PARVA: variants seen among roughly 807,000 people sequenced by gnomAD.
The protein encoded by PARVA is alpha-parvin.
PARVA carries 25 observed loss-of-function variants against 52.6 expected under a neutral mutation model. The observed-to-expected ratio is 0.48, with a 90% CI of 0.35 to 0.66. The LOEUF is 0.66. Among genes scored for constraint, PARVA ranks in the 30% least tolerant of loss-of-function variants. PARVA has a pLI of 0.01. For missense variants in PARVA, 373 were observed against 450.9 expected (o/e 0.83, Z 1.56); for synonymous variants, 185 against 179.1 (o/e 1.03, Z -0.26).
At chr11:12,490,667 T>G (rs570358693) in intron 4 of PARVA, among the ~76,000 whole-genome samples, 1 of 151,944 alleles carries the variant, frequency 6.6e-6, no homozygotes, top group African/African-American at 2.4e-5. Flanking sequence ...TAAAATGCAA[T>G]AGTGAACAAA....
At chr11:12,502,837 TCTTTACAACC>T (rs1941380655) in intron 5 of PARVA, among the ~76,000 whole-genome samples, 1 of 152,046 alleles carries the variant, frequency 6.6e-6, no homozygotes, top group Non-Finnish European at 1.5e-5. Flanking sequence ...TTTTGGGGAA[TCTTTACAACC>T]TGTACATCCA....
intron 1 of PARVA, among the ~76,000 whole-genome samples, chr11:12,445,154 C>T (rs543806516): frequency 2.6e-5 from 4 of 152,150 alleles, no homozygotes; most frequent in East Asian, 3.9e-4. Context: ...GAAGGGTCCC[C>T]GCTGGACACC....
At chr11:12,489,862 A>G (rs1941209680) in intron 4 of PARVA, among the ~76,000 whole-genome samples, 1 of 152,222 alleles carries the variant, frequency 6.6e-6, no homozygotes, top group Non-Finnish European at 1.5e-5. Context: ...GCTGACAAAA[A>G]TGATCAACTT....
intron 1 of PARVA, among the ~76,000 whole-genome samples, chr11:12,401,124 G>A (rs780348196): frequency 6.6e-6 from 1 of 152,146 alleles, no homozygotes; most frequent in South Asian, 2.1e-4. Context: ...CATCACGGTC[G>A]ATTCCCACCT....
intron 1 of PARVA, among the ~76,000 whole-genome samples, chr11:12,396,320 CTG>C (rs1264850114): frequency 6.6e-6 from 1 of 152,184 alleles, no homozygotes; most frequent in Non-Finnish European, 1.5e-5. Flanking sequence ...ACAATAGAAA[CTG>C]TTTAATAATT....
At chr11:12,393,072 GA>G (rs987425540) in intron 1 of PARVA, among the ~76,000 whole-genome samples, 1 of 120,480 alleles carries the variant, frequency 8.3e-6, no homozygotes, top group Non-Finnish European at 1.8e-5. Context: ...AAAAAAGAAA[GA>G]AAAAAAATAC....
intron 1 of PARVA, among the ~76,000 whole-genome samples, chr11:12,408,105 C>G (rs1939940395): frequency 6.6e-6 from 1 of 152,202 alleles, no homozygotes; most frequent in African/African-American, 2.4e-5. Context: ...AAGGTCTGCA[C>G]CTTTGCTTGG....
chr11:12,377,512 GCGTGAGCTGCCTCAA>G (rs1333693988), upstream of PARVA: 2 of 1,420,636 alleles, frequency 1.4e-6, no homozygotes, highest in Non-Finnish European at 1.9e-6. Context: ...GGAAAGGCGA[GCGTGAGCTGCCTCAA>G]ATGCTTGGAA....
intron 3 of PARVA, among the ~76,000 whole-genome samples, chr11:12,475,124 A>C (rs774015187): frequency 1.3e-5 from 2 of 152,156 alleles, no homozygotes; most frequent in Admixed American, 6.5e-5. Context: ...CTTCAACCTG[A>C]GATCAGCCAC....
intron 3 of PARVA, chr11:12,476,970 AG>A (rs1314057683): frequency 7.2e-5 from 11 of 152,246 alleles, no homozygotes; most frequent in African/African-American, 2.7e-4. Context: ...GCCTGTGGTC[AG>A]GGATGAGGAT....
intron 1 of PARVA, among the ~76,000 whole-genome samples, chr11:12,430,275 G>A (rs1023104383): frequency 4.6e-5 from 7 of 152,190 alleles, no homozygotes. Flanking sequence ...GATGAGTTGT[G>A]AGTATTACCT....
chr11:12,496,371 A>ATGCATGAGTGCATGC, intron 4 of PARVA, 87 bp from the exon 5 acceptor site: 5 of 998,122 alleles, frequency 5.0e-6, no homozygotes, highest in African/African-American at 1.9e-5. Flanking sequence ...TGAGTGCATG[A>ATGCATGAGTGCATGC]GAGACCGAAT....
chr11:12,499,812 A>G (rs1314079947), intron 5 of PARVA, among the ~76,000 whole-genome samples: 2 of 152,146 alleles, frequency 1.3e-5, no homozygotes, highest in South Asian at 4.1e-4. Context: ...AATATTTTAT[A>G]TATGTATATA....
chr11:12,504,774 G>GTGT, intron 6 of PARVA, among the ~76,000 whole-genome samples: 1 of 149,346 alleles, frequency 6.7e-6, no homozygotes, highest in East Asian at 2.0e-4. Flanking sequence ...AAGGTATGTG[G>GTGT]GTGTGTGTGT....
At chr11:12,431,235 A>G (rs997925733) in intron 1 of PARVA, among the ~76,000 whole-genome samples, 2 of 152,156 alleles carry the variant, frequency 1.3e-5, no homozygotes, top group Admixed American at 6.5e-5. Context: ...TAATCTAGCA[A>G]CAGCAAGTGC....
chr11:12,400,538 G>A (rs1939811730), intron 1 of PARVA, among the ~76,000 whole-genome samples: 1 of 152,198 alleles, frequency 6.6e-6, no homozygotes. Flanking sequence ...TGACCTTGAT[G>A]GTCCTTGTCT....
rs560541432 is a variant in PARVA, at chr11:12,414,863, C to T, written c.136+37080C>T. ...GCCCTGGATCGATGTGAACTAACAT[C>T]TAATTAGTGGGCCTGGTGGAAGTTG... On this transcript the variant is annotated intron_variant, in intron 1 of 12. Transcript: ENST00000334956. Among the ~76,000 whole-genome samples the T allele has an allele frequency of 3.9e-5, 6 of 152,268 alleles. No individual in the cohort carries two copies. The South Asian group carries it at 8.3e-4, about 21-fold the overall frequency.
intron 4 of PARVA, among the ~76,000 whole-genome samples, chr11:12,492,616 G>A (rs913812789): frequency 1.3e-5 from 2 of 152,104 alleles, no homozygotes; most frequent in African/African-American, 2.4e-5. Context: ...GAAGAAGTTC[G>A]CAAATTAATC....
intron 1 of PARVA, among the ~76,000 whole-genome samples, chr11:12,430,184 A>G (rs992164720): frequency 6.6e-6 from 1 of 152,230 alleles, no homozygotes; most frequent in African/African-American, 2.4e-5. Context: ...AATTGGGAAG[A>G]GCAGCACACC....
Sources: gnomAD v4.1 joint callset for allele counts (sites outside exome capture counted in the v4.1 genomes callset) on GRCh38, gnomAD v4.1.1 for gene constraint, MANE v1.5 for transcripts, NCBI Gene and HGNC (gene_info 2026-07-23, HGNC 2026-07-21) for gene names.